The following ADAMTS17 variants were observed in gnomAD, a reference collection of about 807,000 sequenced individuals.
The protein encoded by ADAMTS17 is ADAM metallopeptidase with thrombospondin type 1 motif 17.
ADAMTS17 carries 113 observed loss-of-function variants against 141.5 expected under a neutral mutation model. The observed-to-expected ratio is 0.80, with a 90% confidence interval of 0.69 to 0.93. The LOEUF is 0.93. ADAMTS17 is among the 40% of genes least tolerant of loss of function. The pLI is 0.00. For synonymous variants in ADAMTS17, 768 were observed against 630.6 expected (o/e 1.22, Z -3.27); for missense variants, 1,659 against 1,517.9 (o/e 1.09, Z -1.54).
At chr15:100,066,185 C>G (rs1842520) in intron 15 of ADAMTS17, among the ~76,000 whole-genome samples, 132,462 of 152,210 alleles carry the variant, frequency 0.87, 58,365 homozygotes, top group East Asian at 0.95. Flanking sequence ...GCAATAAACA[C>G]ACGTGGGGAC....
At chr15:100,151,486 G>T (rs996205354) in intron 10 of ADAMTS17, among the ~76,000 whole-genome samples, 1 of 152,204 alleles carries the variant, frequency 6.6e-6, no homozygotes. Context: ...GCATGTGCCT[G>T]TGTGCTTTGG....
chr15:100,074,349 A>G (rs572048512), intron 15 of ADAMTS17, among the ~76,000 whole-genome samples: 2 of 152,166 alleles, frequency 1.3e-5, no homozygotes, highest in Non-Finnish European at 2.9e-5. Context: ...AGAGTGTATA[A>G]TAACATCTCA....
chr15:99,981,161 G>A (rs1198647165), intron 20 of ADAMTS17, among the ~76,000 whole-genome samples: 1 of 152,194 alleles, frequency 6.6e-6, no homozygotes, highest in African/African-American at 2.4e-5. Context: ...GCTTTAATCG[G>A]AAGCGGGAAT....
At chr15:100,135,054 T>C (rs79940921) in intron 10 of ADAMTS17, among the ~76,000 whole-genome samples, 3,615 of 152,240 alleles carry the variant, frequency 0.024, 64 homozygotes, top group Non-Finnish European at 0.036. Context: ...GGAGAATTTA[T>C]GGGACAGGAG....
chr15:100,191,188 A>G (rs1306296492), intron 8 of ADAMTS17, among the ~76,000 whole-genome samples: 1 of 152,212 alleles, frequency 6.6e-6, no homozygotes, highest in Non-Finnish European at 1.5e-5. Flanking sequence ...TATTTTAGGC[A>G]AGGGAATCTA....
intron 18 of ADAMTS17, among the ~76,000 whole-genome samples, chr15:100,011,687 C>A (rs1433624581): frequency 6.6e-6 from 1 of 152,178 alleles, no homozygotes; most frequent in Non-Finnish European, 1.5e-5. Context: ...AACTGAGGCA[C>A]AGTCTCCAAT....
chr15:100,112,406 T>C (rs2036846071), intron 13 of ADAMTS17, among the ~76,000 whole-genome samples: 1 of 152,110 alleles, frequency 6.6e-6, no homozygotes, highest in Admixed American at 6.5e-5. Context: ...AGGCCTCTGC[T>C]TGGAATTCAG....
intron 10 of ADAMTS17, among the ~76,000 whole-genome samples, chr15:100,150,758 G>T (rs59026594): frequency 2.0e-5 from 3 of 152,240 alleles, no homozygotes; most frequent in Non-Finnish European, 4.4e-5. Context: ...CTCCACAGTG[G>T]GCAGAGTGAC....
chr15:100,049,705 T>C (rs779430462), intron 17 of ADAMTS17, among the ~76,000 whole-genome samples: 1 of 152,168 alleles, frequency 6.6e-6, no homozygotes, highest in Non-Finnish European at 1.5e-5. Flanking sequence ...GACTGGGAGT[T>C]AGGAGGGTGG....
At chr15:100,092,048 A>C (rs1309365531) in intron 15 of ADAMTS17, among the ~76,000 whole-genome samples, 6 of 152,168 alleles carry the variant, frequency 3.9e-5, no homozygotes, top group African/African-American at 1.4e-4. Flanking sequence ...CTGTAGGGAC[A>C]CCAGTCCTGA....
intron 18 of ADAMTS17, among the ~76,000 whole-genome samples, chr15:100,047,146 C>G (rs530376400): frequency 3.3e-5 from 5 of 151,686 alleles, no homozygotes; most frequent in African/African-American, 1.2e-4. Context: ...TCTCCCATAG[C>G]GCTCCCAGGC....
At chr15:100,048,762 A>T in intron 18 of ADAMTS17, 95 bp downstream of exon 18, 3 of 1,551,690 alleles carry the variant, frequency 1.9e-6, no homozygotes, top group Non-Finnish European at 2.7e-6. Context: ...AGCATAGAGC[A>T]GTACTGTGGC....
At chr15:100,111,187 G>A (rs1346735573) in intron 13 of ADAMTS17, among the ~76,000 whole-genome samples, 3 of 152,206 alleles carry the variant, frequency 2.0e-5, no homozygotes, top group Admixed American at 6.5e-5. Flanking sequence ...ACTCTGGGGG[G>A]CACTTCCGGG....
At chr15:100,336,087 C>G (rs1020418951) in intron 2 of ADAMTS17, among the ~76,000 whole-genome samples, 2 of 152,226 alleles carry the variant, frequency 1.3e-5, no homozygotes, top group Non-Finnish European at 2.9e-5. Flanking sequence ...TTCACTTCAT[C>G]GTCCCATCTT....
intron 18 of ADAMTS17, among the ~76,000 whole-genome samples, chr15:100,026,502 G>A (rs1024840582): frequency 2.6e-5 from 4 of 152,134 alleles, no homozygotes; most frequent in Admixed American, 6.5e-5. Flanking sequence ...GAAGGCCTCC[G>A]AGATTTCCAA....
intron 8 of ADAMTS17, among the ~76,000 whole-genome samples, chr15:100,172,303 G>A (rs1407519453): frequency 1.3e-5 from 2 of 152,126 alleles, no homozygotes; most frequent in African/African-American, 4.8e-5. Context: ...GAGGTTCCAG[G>A]TGATTCTCAT....
chr15:100,153,513 T>C (rs974542593), intron 9 of ADAMTS17, among the ~76,000 whole-genome samples: 1 of 152,092 alleles, frequency 6.6e-6, no homozygotes, highest in Non-Finnish European at 1.5e-5. Context: ...ATGGTTGTAG[T>C]CCCACCTGTA....
rs146862607 is a variant in ADAMTS17, at chr15:100,330,185, C to A, written c.616+704G>T. On this transcript the variant is annotated intron_variant, in intron 3 of 21. Transcript: ENST00000268070. The stretch of plus-strand genomic sequence containing the variant: ...GTATAAGAGCCCCAGGTTCTCCCCC[C>A]ACACTGCATCTTAAAATCACTTTTA... 4.1e-3 allele frequency among the ~76,000 whole-genome samples: 620 copies of A among 152,302 alleles called. 1 individual carries two copies. The highest frequency in any genetic ancestry group is 0.014 in the African/African-American group (565 of 41,560).
At position 100,160,772 on chromosome 15, in the gene ADAMTS17, T is replaced by A. The variant is rs564489093; in HGVS notation, c.1182-5452A>T. Among the ~76,000 whole-genome samples the A allele has an allele frequency of 1.4e-4, 21 of 152,294 alleles. 1 individual carries two copies. The East Asian group carries it at 4.1e-3, about 29-fold the overall frequency. ...TTGGGTTTCTGGAGTTTGTCTCTAATATAGATCACGCTTGATCTCCTTTAA... is the reference window on the plus strand; with the variant it reads ...TTGGGTTTCTGGAGTTTGTCTCTAAAATAGATCACGCTTGATCTCCTTTAA... On this transcript the variant is annotated intron_variant, in intron 8 of 21. Coordinates refer to ENST00000268070, the MANE Select transcript of ADAMTS17 (RefSeq NM_139057.4).
Sources: gnomAD v4.1 joint callset for allele counts (sites outside exome capture counted in the v4.1 genomes callset) on GRCh38, gnomAD v4.1.1 for gene constraint, MANE v1.5 for transcripts, NCBI Gene and HGNC (gene_info 2026-07-23, HGNC 2026-07-21) for gene names.